VIT: variants seen among roughly 807,000 people sequenced by gnomAD.
VIT encodes the protein vitrin.
In VIT, 99 loss-of-function variants were observed where a neutral mutation model predicts 78.0. That is an observed-to-expected ratio of 1.27 (90% confidence interval 1.08 to 1.50). VIT has a LOEUF of 1.50. Ranked by LOEUF, VIT falls within the 40% of genes most tolerant of loss-of-function variation. VIT has a pLI of 0.00. For missense variants in VIT, 1,126 were observed against 875.3 expected (o/e 1.29, Z -3.61); for synonymous variants, 374 against 334.3 (o/e 1.12, Z -1.29).
At chr2:36,775,236 T>A (rs1221575321) in intron 9 of VIT, among the ~76,000 whole-genome samples, 169 bp downstream of exon 9, 1 of 152,220 alleles carries the variant, frequency 6.6e-6, no homozygotes, top group Non-Finnish European at 1.5e-5. Flanking sequence ...AATGTCTCTT[T>A]GATTGATCTG....
chr2:36,796,646 TTG>T lies in VIT; in HGVS notation c.1059-4653_1059-4652del, dbSNP rs1374891351. 2.0e-5 allele frequency among the ~76,000 whole-genome samples: 3 copies of T among 151,972 alleles called. No individual in the cohort carries two copies. The East Asian group carries it at 5.8e-4, about 29-fold the overall frequency. ...AAAAACTTTTTTTTTTAGTTTTTTGTTGTTGTTGTTTGTTTGTGTTTGTTTGC... is the reference window on the plus strand; with the variant it reads ...AAAAACTTTTTTTTTTAGTTTTTTGTTTGTTGTTTGTTTGTGTTTGTTTGC... On this transcript the variant is annotated intron_variant, in intron 12 of 15. Transcript: ENST00000379242.
chr2:36,805,178 C>G (rs1162011078), intron 13 of VIT, among the ~76,000 whole-genome samples: 2 of 151,998 alleles, frequency 1.3e-5, no homozygotes, highest in African/African-American at 4.8e-5. Flanking sequence ...GTGGCACACG[C>G]CTGTAGTCCC....
intron 1 of VIT, among the ~76,000 whole-genome samples, chr2:36,713,323 A>T (rs969658500): frequency 5.3e-5 from 8 of 152,200 alleles, no homozygotes; most frequent in Admixed American, 5.2e-4. Flanking sequence ...CTGAGGTAAA[A>T]GGTGTTCCAG....
chr2:36,702,176 G>T (rs553614640), intron 1 of VIT, among the ~76,000 whole-genome samples: 1 of 152,184 alleles, frequency 6.6e-6, no homozygotes, highest in Non-Finnish European at 1.5e-5. Flanking sequence ...AGAGGGAAAA[G>T]CAAATGAAAC....
chr2:36,733,249 G>A (rs1007647482), intron 3 of VIT, among the ~76,000 whole-genome samples: 4 of 152,138 alleles, frequency 2.6e-5, no homozygotes, highest in African/African-American at 9.7e-5. Context: ...AGCTCCCTCC[G>A]GTTGGACTGC....
chr2:36,767,229 C>G lies in VIT; in HGVS notation c.623C>G (p.Ala208Gly). Residue 208 changes from alanine (A) to glycine (G), a missense_variant, in exon 7 of 16, where the codon GCT becomes GGT. By Grantham distance (60) the Ala-to-Gly change is moderately conservative. Transcript: ENST00000379242. Reference sequence around the variant, plus strand: ...TTGCCAAGGCCATCCCCTTCTGCTGCTTCTACCACCAGCATCCCCAGACCA... The same window carrying G: ...TTGCCAAGGCCATCCCCTTCTGCTGGTTCTACCACCAGCATCCCCAGACCA... Reference protein sequence around the residue: ...TTLPRPSPSAASTTSIPRPQS... With the variant: ...TTLPRPSPSAGSTTSIPRPQS... 1 of 1,603,600 alleles carries G rather than the reference C, an allele frequency of 6.2e-7. No homozygotes were observed.
At chr2:36,738,322 T>G (rs1667631235) in intron 3 of VIT, among the ~76,000 whole-genome samples, 1 of 152,208 alleles carries the variant, frequency 6.6e-6, no homozygotes, top group African/African-American at 2.4e-5. Context: ...TTCTGCCACT[T>G]GATATCTGAA....
intron 1 of VIT, among the ~76,000 whole-genome samples, chr2:36,714,259 T>A (rs933663063): frequency 3.3e-5 from 5 of 152,222 alleles, no homozygotes; most frequent in African/African-American, 1.2e-4. Flanking sequence ...TGCTTTTTAT[T>A]AATAAATATG....
rs1470151610 is a variant in VIT, at chr2:36,740,268, C to A, written c.119-2832C>A. 2.0e-5 allele frequency among the ~76,000 whole-genome samples: 3 copies of A among 152,204 alleles called. No individual in the cohort carries two copies. In the South Asian group the frequency reaches 6.2e-4, roughly 32 times the overall value. ...GAGGAAAGGCCAACATCCGTTTCAT[C>A]TGGGCCTTAAGTGGAGCGGTGGAAG... is the stretch of plus-strand genomic sequence containing the variant. On this transcript the variant is annotated intron_variant, in intron 3 of 15. Transcript: ENST00000379242.
At chr2:36,787,374 T>A (rs1665177873) in intron 12 of VIT, 98 bp downstream of exon 12, 2 of 1,445,708 alleles carry the variant, frequency 1.4e-6, no homozygotes, top group East Asian at 4.8e-5. Context: ...ATTACCAACA[T>A]GTCCTTGAGC....
intron 14 of VIT, 73 bp downstream of exon 14, chr2:36,805,737 T>A: frequency 6.7e-7 from 1 of 1,490,878 alleles, no homozygotes; most frequent in Non-Finnish European, 9.1e-7. Flanking sequence ...GCCGTTGCAG[T>A]GGTTTTCCCA....
At chr2:36,715,604 G>C (rs1666080214) in intron 1 of VIT, among the ~76,000 whole-genome samples, 1 of 151,972 alleles carries the variant, frequency 6.6e-6, no homozygotes, top group Non-Finnish European at 1.5e-5. Context: ...AAACTTGGAT[G>C]TATGTTGGAT....
intron 15 of VIT, among the ~76,000 whole-genome samples, chr2:36,812,551 C>T (rs969108116): frequency 6.6e-6 from 1 of 152,132 alleles, no homozygotes. Flanking sequence ...TCCTCTCCTC[C>T]CTGGGTCATC....
chr2:36,700,674 C>T (rs1001359236), intron 1 of VIT, among the ~76,000 whole-genome samples: 7 of 151,990 alleles, frequency 4.6e-5, no homozygotes, highest in African/African-American at 1.2e-4. Context: ...CCCAGGCATT[C>T]GAGGTTGCAA....
chr2:36,795,534 T>C (rs983772519), intron 12 of VIT, among the ~76,000 whole-genome samples: 2 of 151,990 alleles, frequency 1.3e-5, no homozygotes, highest in Admixed American at 1.3e-4. Context: ...TGTCTCAGCC[T>C]CCCGAGTAGC....
At chr2:36,738,643 G>A (rs1269657592) in intron 3 of VIT, among the ~76,000 whole-genome samples, 1 of 152,134 alleles carries the variant, frequency 6.6e-6, no homozygotes, top group Admixed American at 6.5e-5. Context: ...GTAGATGAAT[G>A]AAGATGTTAA....
intron 12 of VIT, among the ~76,000 whole-genome samples, chr2:36,791,483 G>A (rs1194082539): frequency 3.3e-5 from 5 of 152,232 alleles, no homozygotes; most frequent in Non-Finnish European, 7.3e-5. Flanking sequence ...GGACTTTGCA[G>A]ATGTGATTAA....
chr2:36,711,697 A>T (rs1665808913), intron 1 of VIT, among the ~76,000 whole-genome samples: 1 of 152,168 alleles, frequency 6.6e-6, no homozygotes, highest in African/African-American at 2.4e-5. Flanking sequence ...AAAATAGACA[A>T]CTCTAGAAAT....
intron 1 of VIT, among the ~76,000 whole-genome samples, chr2:36,703,641 G>A (rs1302268854): frequency 6.6e-6 from 1 of 152,110 alleles, no homozygotes; most frequent in African/African-American, 2.4e-5. Flanking sequence ...CAAATATGAC[G>A]CTTGAAAAAT....
Sources: allele counts gnomAD v4.1 joint callset (sites outside exome capture counted in the v4.1 genomes callset), GRCh38; gene constraint gnomAD v4.1.1; transcripts MANE v1.5; gene names NCBI Gene and HGNC (gene_info 2026-07-23, HGNC 2026-07-21).